Variants in PTGES3 observed in about 807,000 individuals in gnomAD.
PTGES3 encodes prostaglandin E synthase 3.
A neutral mutation model predicts 29.9 loss-of-function variants in PTGES3; 5 were observed. That is an observed-to-expected ratio of 0.17 (90% confidence interval 0.09 to 0.35). The LOEUF (loss-of-function observed/expected upper bound fraction) is 0.35, where lower values mean the gene tolerates loss of function less well. Ranked by LOEUF, PTGES3 falls within the 10% of genes least tolerant of loss-of-function variation. The pLI is 1.00. For synonymous variants in PTGES3, 49 were observed against 57.8 expected (o/e 0.85, Z 0.69); for missense variants, 128 against 190.0 (o/e 0.67, Z 1.92).
Position 56,663,785 on chromosome 12 carries a change from A to C in PTGES3, c.*694T>G, listed in dbSNP as rs895526683. ...CAGTGCAAATACAAATCTGGACTAA[A>C]TGTACAGACTCTCAAGCAACAATGT... is the stretch of plus-strand genomic sequence containing the variant. On this transcript the variant is annotated 3_prime_UTR_variant, in exon 8 of 8. Transcript: ENST00000262033. 6.6e-6 allele frequency: 1 copy of C among 152,312 alleles called. No homozygotes were observed. Among genetic ancestry groups the C allele is most frequent in the Non-Finnish European group, 1.5e-5 (1 of 67,932 alleles). The allele number at this position is 152,312 out of a possible 1,614,324, so 9.4% of individuals were successfully genotyped here.
rs1159841355 is a variant in PTGES3 at position 56,687,240 on chromosome 12, G to A, written c.2+758C>T. 4 of 1,020,888 alleles carry A rather than the reference G, an allele frequency of 3.9e-6. No individual in the cohort carries two copies. The East Asian group carries it at 2.6e-4, about 67-fold the overall frequency. The allele number at this position is 1,020,888 out of a possible 1,614,324, so 63.2% of individuals were successfully genotyped here. A position where few individuals can be genotyped will look rare whatever the true frequency, so the allele number is the denominator to read the frequency against. ...TCATCCTACACTGTAACAAGATAGT[G>A]AAACCTCACCTCAAGTAGAACATGA... On this transcript the variant is annotated intron_variant, in intron 1 of 7. Transcript: ENST00000262033.
chr12:56,666,639 T>C (rs1951798409), intron 5 of PTGES3, among the ~76,000 whole-genome samples: 1 of 152,102 alleles, frequency 6.6e-6, no homozygotes, highest in African/African-American at 2.4e-5. Context: ...GGTATTCTTT[T>C]TTTTTTGAGA....
intron 5 of PTGES3, among the ~76,000 whole-genome samples, chr12:56,667,607 A>G (rs1951837404): frequency 6.6e-6 from 1 of 152,204 alleles, no homozygotes; most frequent in South Asian, 2.1e-4. Flanking sequence ...TGAGATACCT[A>G]AGATTATGTA....
At chr12:56,685,915 T>C (rs1231147298) in intron 1 of PTGES3, among the ~76,000 whole-genome samples, 2 of 151,064 alleles carry the variant, frequency 1.3e-5, no homozygotes, top group East Asian at 3.9e-4. Flanking sequence ...TAGCTGGGAC[T>C]ACAGGCATGC....
intron 6 of PTGES3, 117 bp downstream of exon 6, chr12:56,666,083 TTTTC>T (rs1951774435): frequency 7.1e-6 from 10 of 1,399,032 alleles, no homozygotes; most frequent in Middle Eastern, 2.6e-4. Flanking sequence ...TGCTTTTCCC[TTTTC>T]TTTTTTTTTA....
intron 6 of PTGES3, chr12:56,665,557 T>G (rs761153764): frequency 9.6e-5 from 95 of 985,236 alleles, no homozygotes; most frequent in Non-Finnish European, 1.1e-4. Context: ...CCTCCCAATG[T>G]CCATCTGTTT....
Position 56,688,081 on chromosome 12 carries a change from G to A in PTGES3, c.-82C>T, listed in dbSNP as rs1049927596. On this transcript the variant is annotated 5_prime_UTR_variant, in exon 1 of 8. Transcript: ENST00000262033. ...GCTGCTAGGGAGTCGACTTCTCTCC[G>A]GTGGCGACTCCGCTTTTTCTCTCCG... 4 of 1,444,310 alleles carry A rather than the reference G, an allele frequency of 2.8e-6. No homozygotes were observed. Among genetic ancestry groups the A allele is most frequent in the African/African-American group, 1.5e-5 (1 of 67,166 alleles). 89.5% of individuals were successfully genotyped at this position (1,444,310 alleles called of 1,614,324 possible).
At chr12:56,678,027 T>C (rs1952346793) in intron 1 of PTGES3, among the ~76,000 whole-genome samples, 1 of 152,148 alleles carries the variant, frequency 6.6e-6, no homozygotes, top group African/African-American at 2.4e-5. Flanking sequence ...GCAATGAGTA[T>C]GTGGGAGACA....
At chr12:56,665,356 C>T (rs1951746046) in intron 6 of PTGES3, 21 of 931,284 alleles carry the variant, frequency 2.3e-5, no homozygotes, top group Non-Finnish European at 2.7e-5. Context: ...AGTGCAGTGG[C>T]GAGATCCGGC....
intron 1 of PTGES3, among the ~76,000 whole-genome samples, chr12:56,677,464 T>C (rs1592265858): frequency 6.6e-6 from 1 of 152,134 alleles, no homozygotes. Context: ...CATAGCTGTA[T>C]CCAAGCAACA....
chr12:56,687,005 C>CAAAA (rs11297744), intron 1 of PTGES3: 8 of 86,554 alleles, frequency 9.2e-5, no homozygotes, highest in Admixed American at 5.9e-4. Context: ...AACCTCCCGT[C>CAAAA]AAAAAAAAAA....
chr12:56,685,559 C>T (rs894729397), intron 1 of PTGES3, among the ~76,000 whole-genome samples: 1 of 151,640 alleles, frequency 6.6e-6, no homozygotes, highest in Non-Finnish European at 1.5e-5. Flanking sequence ...CGCCACCACA[C>T]CCGGCTAATT....
chr12:56,672,887 CCAGT>C (rs1350586674), intron 2 of PTGES3, 61 bp downstream of exon 2: 15 of 1,547,584 alleles, frequency 9.7e-6, no homozygotes, highest in Admixed American at 4.1e-5. Context: ...AAAAGACAAG[CCAGT>C]CAAAGTTATT....
At chr12:56,665,966 C>T in intron 6 of PTGES3, 2 of 1,248,662 alleles carry the variant, frequency 1.6e-6, no homozygotes, top group Non-Finnish European at 2.0e-6. Flanking sequence ...TATAATGTCT[C>T]TATACAATGA....
intron 1 of PTGES3, among the ~76,000 whole-genome samples, chr12:56,679,679 T>C (rs1455009972): frequency 6.6e-6 from 1 of 151,794 alleles, no homozygotes; most frequent in African/African-American, 2.4e-5. Context: ...TTGGGTTTGT[T>C]TTTTTAGACG....
chr12:56,680,093 T>G (rs1023998536), intron 1 of PTGES3, among the ~76,000 whole-genome samples: 1 of 151,242 alleles, frequency 6.6e-6, no homozygotes, highest in Non-Finnish European at 1.5e-5. Context: ...TTTTTTTTTT[T>G]GAGAAAGTCT....
intron 1 of PTGES3, among the ~76,000 whole-genome samples, chr12:56,673,545 G>A (rs1012809018): frequency 7.3e-6 from 1 of 137,216 alleles, no homozygotes; most frequent in African/African-American, 2.7e-5. Context: ...TGTAATCCCA[G>A]CACTTTGGGA....
At chr12:56,670,417 T>C (rs560957970) in intron 4 of PTGES3, 53 bp from the exon 5 acceptor site, 3 of 1,334,178 alleles carry the variant, frequency 2.2e-6, no homozygotes, top group East Asian at 4.6e-5. Flanking sequence ...GCATTTGGCA[T>C]GAACCTTAAG....
At chr12:56,672,408 C>G (rs893455225) in intron 3 of PTGES3, among the ~76,000 whole-genome samples, 1 of 152,076 alleles carries the variant, frequency 6.6e-6, no homozygotes. Context: ...GCAGGAGAAT[C>G]CCTGGAACCT....
Sources: gnomAD v4.1 joint callset for allele counts (sites outside exome capture counted in the v4.1 genomes callset) on GRCh38, gnomAD v4.1.1 for gene constraint, MANE v1.5 for transcripts, NCBI Gene and HGNC (gene_info 2026-07-23, HGNC 2026-07-21) for gene names.